Variants in GULP1 observed in about 807,000 individuals in gnomAD.
GULP1 encodes PTB domain-containing engulfment adapter protein 1.
Under a neutral mutation model 40.9 loss-of-function variants are expected in GULP1, and 19 were observed. The ratio of observed to expected loss-of-function variants is 0.46; its 90% CI spans 0.32 to 0.68. The LOEUF is 0.68. Among genes scored for constraint, GULP1 ranks in the 30% least tolerant of loss-of-function variants. GULP1 has a pLI of 0.03. For missense variants in GULP1, 312 were observed against 362.2 expected (o/e 0.86, Z 1.12); for synonymous variants, 119 against 117.6 (o/e 1.01, Z -0.08).
chr2:188,293,321 A>T (rs546538321), intron 1 of GULP1: 5 of 152,236 alleles, frequency 3.3e-5, no homozygotes, highest in African/African-American at 1.2e-4. Flanking sequence ...AATGCAGTCA[A>T]TTAGGAAGGA....
intron 9 of GULP1, among the ~76,000 whole-genome samples, chr2:188,583,974 T>C (rs569483150): frequency 6.6e-6 from 1 of 152,320 alleles, no homozygotes; most frequent in East Asian, 1.9e-4. Context: ...ATCCCAAAAA[T>C]TCACTGTATC....
rs959087633 is a variant in GULP1, at chr2:188,452,645, C to G, written c.-44-25014C>G. 4.6e-5 allele frequency among the ~76,000 whole-genome samples: 7 copies of G among 152,284 alleles called. No homozygotes were observed. The East Asian group carries it at 9.7e-4, about 21-fold the overall frequency. Reference sequence around the variant, plus strand: ...AAATGGTAGGTCCCTTGCCCTGCCTCAACTGCTGATACTGTGACATGTGCT... The same window carrying G: ...AAATGGTAGGTCCCTTGCCCTGCCTGAACTGCTGATACTGTGACATGTGCT... On this transcript the variant is annotated intron_variant, in intron 2 of 11. Transcript: ENST00000409830.
In GULP1 at chr2:188,345,444, A is replaced by C. The variant is rs557422541; in HGVS notation, c.-171-38319A>C. On this transcript the variant is annotated intron_variant, in intron 1 of 11. Coordinates refer to ENST00000409830, the MANE Select transcript of GULP1 (RefSeq NM_016315.4). ...GAGGACAAGAAACAGGATAGAATGTACCCAGGAAGACAGGGGAACAATTTT... is the reference window on the plus strand; with the variant it reads ...GAGGACAAGAAACAGGATAGAATGTCCCCAGGAAGACAGGGGAACAATTTT... Among the ~76,000 whole-genome samples the C allele has an allele frequency of 3.9e-5, 6 of 152,286 alleles. No homozygotes were observed. In the East Asian group the frequency reaches 1.2e-3, roughly 29 times the overall value.
chr2:188,363,539 G>C (rs549800999), intron 1 of GULP1, among the ~76,000 whole-genome samples: 1 of 152,288 alleles, frequency 6.6e-6, no homozygotes, highest in East Asian at 1.9e-4. Context: ...CCAGAGAGCA[G>C]AGCAAGGACT....
At chr2:188,336,445 A>C (rs2042262061) in intron 1 of GULP1, among the ~76,000 whole-genome samples, 1 of 152,238 alleles carries the variant, frequency 6.6e-6, no homozygotes, top group Non-Finnish European at 1.5e-5. Flanking sequence ...CTAGGTGCTG[A>C]AGATACAGCA....
intron 2 of GULP1, among the ~76,000 whole-genome samples, chr2:188,421,348 G>A (rs2055382257): frequency 6.6e-6 from 1 of 151,872 alleles, no homozygotes; most frequent in African/African-American, 2.4e-5. Context: ...TGAAATTAAT[G>A]GTGTTTATAT....
chr2:188,483,411 C>T lies in GULP1; in HGVS notation c.29-20C>T, dbSNP rs375441419. 10 of 1,365,886 alleles carry T rather than the reference C, an allele frequency of 7.3e-6. No homozygotes were observed. Among genetic ancestry groups the T allele is most frequent in the Non-Finnish European group, 1.0e-5 (10 of 968,086 alleles). The allele number at this position is 1,365,886 out of a possible 1,614,324, so 84.6% of individuals were successfully genotyped here. On this transcript the variant is annotated intron_variant, in intron 3 of 11. Transcript: ENST00000409830. Reference sequence around the variant, plus strand: ...CACCATGGAAACCTAAAATTTAACTCTGTGTATTTTTTATTGCAGACAAAA... The same window carrying T: ...CACCATGGAAACCTAAAATTTAACTTTGTGTATTTTTTATTGCAGACAAAA...
chr2:188,567,530 A>G (rs1698020135), intron 7 of GULP1, among the ~76,000 whole-genome samples: 1 of 152,170 alleles, frequency 6.6e-6, no homozygotes, highest in Non-Finnish European at 1.5e-5. Context: ...TAGCAAACTA[A>G]CACAGGAACA....
In GULP1 at chr2:188,468,416, A is replaced by T. The variant is rs952112742; in HGVS notation, c.-44-9243A>T. On this transcript the variant is annotated intron_variant, in intron 2 of 11. Coordinates refer to ENST00000409830, the MANE Select transcript of GULP1 (RefSeq NM_016315.4). Reference sequence around the variant, plus strand: ...ACTTTAAATAAAGTTGGGAGCTAATATATGTGTCTGTAAATCAATAAAGTG... The same window carrying T: ...ACTTTAAATAAAGTTGGGAGCTAATTTATGTGTCTGTAAATCAATAAAGTG... Among the ~76,000 whole-genome samples the T allele has an allele frequency of 3.3e-5, 5 of 152,166 alleles. No homozygotes were observed. In the East Asian group the frequency reaches 9.6e-4, roughly 29 times the overall value.
chr2:188,556,921 G>A (rs989392971), intron 7 of GULP1, among the ~76,000 whole-genome samples: 4 of 152,032 alleles, frequency 2.6e-5, no homozygotes, highest in East Asian at 1.9e-4. Flanking sequence ...CTACTCAGGA[G>A]GCTGAGGCAG....
intron 4 of GULP1, among the ~76,000 whole-genome samples, chr2:188,491,268 C>A (rs1307291168): frequency 6.6e-6 from 1 of 151,618 alleles, no homozygotes; most frequent in Non-Finnish European, 1.5e-5. Flanking sequence ...GAAAAAAAAA[C>A]ATGTTTCCAA....
At chr2:188,420,055 A>T (rs1288360071) in intron 2 of GULP1, among the ~76,000 whole-genome samples, 3 of 152,080 alleles carry the variant, frequency 2.0e-5, no homozygotes, top group Non-Finnish European at 4.4e-5. Context: ...TGGTCTATAT[A>T]TCTGTCTTTG....
intron 2 of GULP1, among the ~76,000 whole-genome samples, chr2:188,411,992 G>A (rs1020020872): frequency 7.9e-5 from 12 of 152,146 alleles, no homozygotes; most frequent in Admixed American, 2.6e-4. Context: ...GGAACTCCCC[G>A]TGAGGCCATC....
At chr2:188,546,628 A>G (rs917900748) in intron 7 of GULP1, among the ~76,000 whole-genome samples, 1 of 152,078 alleles carries the variant, frequency 6.6e-6, no homozygotes, top group Non-Finnish European at 1.5e-5. Context: ...TCAAATGAAT[A>G]ATCTATGTTC....
intron 8 of GULP1, chr2:188,569,690 GC>G: frequency 2.8e-6 from 1 of 362,126 alleles, no homozygotes; most frequent in Non-Finnish European, 5.0e-6. Flanking sequence ...ATTAAATTAT[GC>G]CTTTCTCCAC....
At chr2:188,529,266 T>C (rs1686951582) in intron 6 of GULP1, 71 bp downstream of exon 6, 4 of 770,216 alleles carry the variant, frequency 5.2e-6, no homozygotes, top group Non-Finnish European at 8.6e-6. Flanking sequence ...TTAACAAATA[T>C]TTAAAATTTT....
chr2:188,569,094 A>T (rs1011273608), intron 7 of GULP1, 145 bp from the exon 8 acceptor site: 2 of 577,060 alleles, frequency 3.5e-6, no homozygotes, highest in Admixed American at 6.0e-5. Flanking sequence ...TGCTCATTTA[A>T]TACATCTCTA....
At chr2:188,527,219 T>A (rs1257996137) in intron 5 of GULP1, among the ~76,000 whole-genome samples, 2 of 152,080 alleles carry the variant, frequency 1.3e-5, no homozygotes, top group East Asian at 3.9e-4. Context: ...GGGAAAAAAT[T>A]TAAAAGGTTG....
chr2:188,498,508 G>C (rs1187410777), intron 4 of GULP1, among the ~76,000 whole-genome samples: 1 of 151,844 alleles, frequency 6.6e-6, no homozygotes. Context: ...AACAATTCCT[G>C]TCAGAATCAG....
Sources: gnomAD v4.1 joint callset for allele counts (sites outside exome capture counted in the v4.1 genomes callset) on GRCh38, gnomAD v4.1.1 for gene constraint, MANE v1.5 for transcripts, NCBI Gene and HGNC (gene_info 2026-07-23, HGNC 2026-07-21) for gene names.